The following RSBN1L variants were observed in gnomAD, a reference collection of about 807,000 sequenced individuals.
RSBN1L encodes the protein lysine-specific demethylase RSBN1L.
In RSBN1L, 30 loss-of-function variants were observed where a neutral mutation model predicts 67.7. The ratio of observed to expected loss-of-function variants is 0.44; its 90% CI spans 0.33 to 0.60. RSBN1L has a LOEUF of 0.60. Among genes scored for constraint, RSBN1L ranks in the 20% least tolerant of loss-of-function variants. RSBN1L has a pLI of 0.02. For synonymous variants in RSBN1L, 433 were observed against 387.0 expected, an observed-to-expected ratio of 1.12 and a Z score of -1.39; for missense variants, 992 against 1,031.7, an observed-to-expected ratio of 0.96 and a Z score of 0.53.
chr7:77,727,699 C>T (rs1791225373), intron 1 of RSBN1L, among the ~76,000 whole-genome samples: 1 of 151,816 alleles, frequency 6.6e-6, no homozygotes, highest in South Asian at 2.1e-4. Context: ...CTCCTGGCAT[C>T]AAGTACACCT....
At chr7:77,714,322 TAGC>T (rs1388082486) in intron 1 of RSBN1L, among the ~76,000 whole-genome samples, 1 of 152,228 alleles carries the variant, frequency 6.6e-6, no homozygotes, top group Non-Finnish European at 1.5e-5. Flanking sequence ...AGTAATGACA[TAGC>T]AGATTTTTAT....
chr7:77,744,182 C>G (rs1337909971), intron 2 of RSBN1L, among the ~76,000 whole-genome samples: 1 of 151,916 alleles, frequency 6.6e-6, no homozygotes, highest in Non-Finnish European at 1.5e-5. Context: ...CGGGCATGTA[C>G]CAACATGCCC....
chr7:77,734,607 G>T (rs1791309364), intron 1 of RSBN1L, among the ~76,000 whole-genome samples: 1 of 151,792 alleles, frequency 6.6e-6, no homozygotes, highest in Non-Finnish European at 1.5e-5. Flanking sequence ...TTCTACCTCA[G>T]TCTCCCAAGT....
intron 1 of RSBN1L, among the ~76,000 whole-genome samples, chr7:77,727,257 T>C (rs938580344): frequency 4.6e-5 from 7 of 152,080 alleles, no homozygotes; most frequent in Admixed American, 3.3e-4. Flanking sequence ...CCAACTAGTT[T>C]TATATTTTTA....
At chr7:77,718,482 G>A (rs964079344) in intron 1 of RSBN1L, among the ~76,000 whole-genome samples, 8 of 151,904 alleles carry the variant, frequency 5.3e-5, no homozygotes, top group Non-Finnish European at 1.2e-4. Flanking sequence ...ATAGAGATGA[G>A]GTTTTATCAT....
chr7:77,710,065 A>C (rs1425203292), intron 1 of RSBN1L, among the ~76,000 whole-genome samples: 2 of 152,116 alleles, frequency 1.3e-5, no homozygotes, highest in African/African-American at 4.8e-5. Context: ...ACTGTCTTTC[A>C]TATCTTTCCA....
chr7:77,777,056 G>T (rs550653858), intron 6 of RSBN1L, among the ~76,000 whole-genome samples: 4 of 146,478 alleles, frequency 2.7e-5, no homozygotes, highest in African/African-American at 1.0e-4. Flanking sequence ...AGCTCTGTGG[G>T]TTTTTTTTTT....
chr7:77,773,772 CAA>C (rs1270054523), intron 6 of RSBN1L, among the ~76,000 whole-genome samples: 3 of 152,076 alleles, frequency 2.0e-5, no homozygotes, highest in Admixed American at 1.3e-4. Flanking sequence ...CGAACAAAAA[CAA>C]AAACAAATAA....
intron 6 of RSBN1L, 128 bp from the exon 7 acceptor site, chr7:77,778,210 C>A: frequency 1.8e-6 from 1 of 568,712 alleles, no homozygotes; most frequent in Non-Finnish European, 3.0e-6. Context: ...TTCCAATTAA[C>A]AGTTTAACTT....
At chr7:77,769,913 A>G (rs1477819089) in intron 5 of RSBN1L, among the ~76,000 whole-genome samples, 1 of 152,232 alleles carries the variant, frequency 6.6e-6, no homozygotes, top group Admixed American at 6.5e-5. Flanking sequence ...GCAGTAGATC[A>G]TAAAATTTAA....
At chr7:77,709,152 T>TTGTGTGTGTGTGTGTG (rs67322019) in intron 1 of RSBN1L, among the ~76,000 whole-genome samples, 10 of 142,366 alleles carry the variant, frequency 7.0e-5, no homozygotes, top group South Asian at 2.3e-4. Flanking sequence ...GGGATTCTGT[T>TTGTGTGTGTGTGTGTG]TGTGTGTGTG....
intron 1 of RSBN1L, among the ~76,000 whole-genome samples, chr7:77,706,766 C>T (rs1287708239): frequency 6.6e-6 from 1 of 152,008 alleles, no homozygotes; most frequent in East Asian, 1.9e-4. Context: ...CTTAATTCAC[C>T]ATAGTTTGAA....
chr7:77,741,653 C>G (rs1791411844), intron 2 of RSBN1L, among the ~76,000 whole-genome samples: 1 of 148,452 alleles, frequency 6.7e-6, no homozygotes, highest in East Asian at 2.0e-4. Flanking sequence ...GATCGTGCCA[C>G]TGCACTCCAA....
chr7:77,758,345 T>C (rs1220024323), intron 3 of RSBN1L, among the ~76,000 whole-genome samples: 2 of 152,194 alleles, frequency 1.3e-5, no homozygotes, highest in Non-Finnish European at 2.9e-5. Context: ...AAAAATCCTT[T>C]AAATTTTTAA....
At position 77,752,793 on chromosome 7, in the gene RSBN1L, T is replaced by TGGGG. The variant is rs1791570897; in HGVS notation, c.1344+2730_1344+2731insGGGG. ...TCCCCGAACCCTTCTTTATCAGTAC[T>TGGGG]GTGCCAACCCCCCAGTCCCACCACA... On this transcript the variant is annotated intron_variant, in intron 3 of 7. Coordinates refer to ENST00000334955, the MANE Select transcript of RSBN1L (RefSeq NM_198467.3). Among the ~76,000 whole-genome samples, 6 of 152,372 alleles carry TGGGG rather than the reference T, an allele frequency of 3.9e-5. No homozygotes were observed. In the South Asian group the frequency reaches 1.2e-3, roughly 32 times the overall value.
At position 77,703,476 on chromosome 7, in the gene RSBN1L, G is replaced by GTTTTTT. The variant is rs1562792479; in HGVS notation, c.586+6421_586+6422insTTTTTT. Among the ~76,000 whole-genome samples, 45 of 101,544 alleles carry GTTTTTT rather than the reference G, an allele frequency of 4.4e-4. 1 individual carries two copies. The highest frequency in any genetic ancestry group is 1.5e-3 in the African/African-American group (43 of 28,112). The allele number at this position is 101,544 out of a possible 152,430, so 66.6% of individuals were successfully genotyped here. The stretch of plus-strand genomic sequence containing the variant: ...TGTGTCTCTTTTTTCCTACTGTTTG[G>GTTTTTT]GTTTTTTTTTTTTTTTTTTTTTTTT... On this transcript the variant is annotated intron_variant, in intron 1 of 7. Coordinates refer to ENST00000334955, the MANE Select transcript of RSBN1L (RefSeq NM_198467.3).
At chr7:77,724,831 T>C (rs1338880364) in intron 1 of RSBN1L, among the ~76,000 whole-genome samples, 1 of 151,414 alleles carries the variant, frequency 6.6e-6, no homozygotes, top group Non-Finnish European at 1.5e-5. Context: ...CCCTATTTTT[T>C]TTCTTTTTCT....
At chr7:77,743,945 C>T (rs538521858) in intron 2 of RSBN1L, among the ~76,000 whole-genome samples, 14 of 152,218 alleles carry the variant, frequency 9.2e-5, no homozygotes, top group Non-Finnish European at 1.3e-4. Context: ...AAGCTGATCT[C>T]GAACTCCTGG....
intron 2 of RSBN1L, among the ~76,000 whole-genome samples, chr7:77,736,746 G>A (rs925207235): frequency 2.6e-5 from 4 of 152,066 alleles, no homozygotes; most frequent in Non-Finnish European, 2.9e-5. Flanking sequence ...AAAAGGTTAA[G>A]CTTCGTTAAA....
Sources: gnomAD v4.1 joint callset for allele counts (sites outside exome capture counted in the v4.1 genomes callset) on GRCh38, gnomAD v4.1.1 for gene constraint, MANE v1.5 for transcripts, NCBI Gene and HGNC (gene_info 2026-07-23, HGNC 2026-07-21) for gene names.